SCN9A: variants seen among roughly 807,000 people sequenced by gnomAD.
SCN9A encodes the protein sodium voltage-gated channel alpha subunit 9, also known as sodium channel protein type 9 subunit alpha.
In SCN9A, 131 loss-of-function variants were observed where a neutral mutation model predicts 187.0. The ratio of observed to expected loss-of-function variants is 0.70; its 90% CI spans 0.61 to 0.81. SCN9A has a LOEUF of 0.81. Ranked by LOEUF, SCN9A falls within the 30% of genes least tolerant of loss-of-function variation. SCN9A has a pLI of 0.00. For missense variants in SCN9A, 2,252 were observed against 2,396.6 expected (o/e 0.94, Z 1.26); for synonymous variants, 809 against 808.6 (o/e 1.00, Z -0.01).
chr2:166,281,367 A>G (rs1697478133), intron 13 of SCN9A, among the ~76,000 whole-genome samples: 2 of 152,158 alleles, frequency 1.3e-5, no homozygotes, highest in Admixed American at 6.6e-5. Flanking sequence ...TTCTGCATCA[A>G]TTACTATTAA....
chr2:166,288,457 T>C lies in SCN9A; in HGVS notation c.1294A>G (p.Lys432Glu). ...EFQQMLDRLKKEQEEAEAIAA... is the reference protein window; with the variant it reads ...EFQQMLDRLKEEQEEAEAIAA... ...AGTACCTCAGCTTCTTCTTGCTCTTTTTTAAGACGGTCTAACATCTGTTGA... is the reference window on the plus strand; with the variant it reads ...AGTACCTCAGCTTCTTCTTGCTCTTCTTTAAGACGGTCTAACATCTGTTGA... The change falls in exon 10 of 27, where the codon AAA becomes GAA. Residue 432 changes from lysine to glutamate, a missense_variant. Physicochemically the swap from Lys to Glu is moderately conservative, Grantham distance 56. This residue lies in a region of SCN9A where 1,013 missense variants were observed against 997.4 expected (regional missense o/e 1.02). Transcript: ENST00000642356. 1 of 1,610,894 alleles carries C rather than the reference T, an allele frequency of 6.2e-7. No homozygotes were observed. The highest frequency in any genetic ancestry group is 2.2e-5 in the East Asian group (1 of 44,852).
At chr2:166,206,434 T>C (rs1434676292) in intron 24 of SCN9A, among the ~76,000 whole-genome samples, 1 of 152,178 alleles carries the variant, frequency 6.6e-6, no homozygotes, top group African/African-American at 2.4e-5. Flanking sequence ...AAACTCTGCA[T>C]GTTCTCACTC....
rs1698171260 is a variant in SCN9A at position 166,293,500 on chromosome 2, A to G, written c.966-128T>C. 3.9e-6 allele frequency: 3 copies of G among 766,966 alleles called. No individual in the cohort carries two copies. In the South Asian group the frequency reaches 9.4e-5, roughly 24 times the overall value. 47.5% of individuals were successfully genotyped at this position (766,966 alleles called of 1,614,324 possible). A position where few individuals can be genotyped will look rare whatever the true frequency, so the allele number is the denominator to read the frequency against. On this transcript the variant is annotated intron_variant, in intron 8 of 26. Transcript: ENST00000642356. ...AATATTGAATAAGGATTAAGAATAC[A>G]TGATTTGGCTACTGACTACTTAGTG...
intron 1 of SCN9A, among the ~76,000 whole-genome samples, chr2:166,340,594 C>G (rs577068583): frequency 1.4e-5 from 1 of 73,846 alleles, no homozygotes; most frequent in Admixed American, 1.5e-4. Flanking sequence ...TTCTTTCTTT[C>G]TTTCTTTCTT....
rs561042263 is a variant in SCN9A, at chr2:166,304,172, C to G, written c.688+66G>C. ...CAGTGACGACACACACACAAACGAA[C>G]AAAGAACAACTCCCAAATAGTTGGA... On this transcript the variant is annotated intron_variant, in intron 6 of 26. Transcript: ENST00000642356. 8.8e-5 allele frequency: 142 copies of G among 1,610,962 alleles called. No individual in the cohort carries two copies. The East Asian group carries it at 2.8e-3, about 32-fold the overall frequency.
chr2:166,358,327 C>T (rs1332686172), intron 1 of SCN9A, among the ~76,000 whole-genome samples: 2 of 152,110 alleles, frequency 1.3e-5, no homozygotes, highest in Non-Finnish European at 2.9e-5. Context: ...ATCTCAGCTT[C>T]CCAAAGTGCT....
At chr2:166,277,701 A>T (rs1474008941) in intron 15 of SCN9A, 1 of 227,452 alleles carries the variant, frequency 4.4e-6, no homozygotes, top group African/African-American at 2.3e-5. Context: ...GATAAAATCT[A>T]GCATATTAGA....
chr2:166,265,195 C>A (rs1158594487), intron 17 of SCN9A, among the ~76,000 whole-genome samples: 1 of 151,842 alleles, frequency 6.6e-6, no homozygotes, highest in Non-Finnish European at 1.5e-5. Flanking sequence ...ACCTGTTGAC[C>A]AATCTTTCCC....
At position 166,345,159 on chromosome 2, in the gene SCN9A, TAATGC is replaced by T. The variant is rs369874176; in HGVS notation, c.-51+30533_-51+30537del. 8.3e-4 allele frequency among the ~76,000 whole-genome samples: 126 copies of T among 152,220 alleles called. No individual in the cohort carries two copies. In the East Asian group the frequency reaches 0.02, roughly 24 times the overall value. ...GGGTAGCAAAAAAATGACTGCTATA[TAATGC>T]CCTGAATGAATGAATCAATCAATGA... is the stretch of plus-strand genomic sequence containing the variant. On this transcript the variant is annotated intron_variant, in intron 1 of 26. Transcript: ENST00000642356.
At chr2:166,334,442 T>C (rs1198770760) in intron 1 of SCN9A, among the ~76,000 whole-genome samples, 4 of 152,126 alleles carry the variant, frequency 2.6e-5, no homozygotes, top group African/African-American at 7.2e-5. Context: ...CACACCTTTA[T>C]GCAAATATCC....
intron 16 of SCN9A, among the ~76,000 whole-genome samples, chr2:166,274,647 A>G (rs1390364798): frequency 1.3e-5 from 2 of 152,146 alleles, no homozygotes; most frequent in Non-Finnish European, 2.9e-5. Context: ...AACTTTATGA[A>G]TTTTCTTCTG....
chr2:166,302,989 A>G, intron 7 of SCN9A, 101 bp downstream of exon 7: 1 of 929,720 alleles, frequency 1.1e-6, no homozygotes, highest in Non-Finnish European at 1.6e-6. Flanking sequence ...ATATTTGAAT[A>G]GCTTTGAAAT....
intron 1 of SCN9A, among the ~76,000 whole-genome samples, chr2:166,372,031 C>A (rs1031889732): frequency 6.6e-6 from 1 of 152,012 alleles, no homozygotes; most frequent in Admixed American, 6.6e-5. Context: ...TGTTTAATAT[C>A]TTTAAGCATA....
chr2:166,290,090 C>T (rs36023349), intron 9 of SCN9A, among the ~76,000 whole-genome samples: 12,130 of 151,906 alleles, frequency 0.08, 603 homozygotes, highest in Admixed American at 0.17. Flanking sequence ...CAACAGGCCC[C>T]GGTGTGTGTT....
intron 10 of SCN9A, among the ~76,000 whole-genome samples, chr2:166,286,946 C>G (rs892164694): frequency 3.3e-5 from 5 of 152,024 alleles, no homozygotes; most frequent in African/African-American, 4.8e-5. Context: ...TCGCATAAAC[C>G]ATGCAATAAG....
intron 17 of SCN9A, among the ~76,000 whole-genome samples, chr2:166,269,693 A>G (rs1210926675): frequency 6.6e-6 from 1 of 152,118 alleles, no homozygotes; most frequent in African/African-American, 2.4e-5. Flanking sequence ...GCAACTCAAC[A>G]TACTAAGAAT....
At chr2:166,356,105 G>A (rs945835091) in intron 1 of SCN9A, among the ~76,000 whole-genome samples, 1 of 152,198 alleles carries the variant, frequency 6.6e-6, no homozygotes, top group Non-Finnish European at 1.5e-5. Context: ...CTGGAGTCTT[G>A]TCTGAGGCTG....
chr2:166,358,358 C>G (rs1012261909), intron 1 of SCN9A, among the ~76,000 whole-genome samples: 2 of 152,102 alleles, frequency 1.3e-5, no homozygotes, highest in Non-Finnish European at 2.9e-5. Flanking sequence ...ACATGAGCCA[C>G]CACACCCGGC....
Position 166,299,667 on chromosome 2 carries a change from C to G in SCN9A, c.901+3423G>C, listed in dbSNP as rs1053083197. 6.0e-5 allele frequency among the ~76,000 whole-genome samples: 9 copies of G among 150,740 alleles called. 1 individual carries two copies. The highest frequency in any genetic ancestry group is 2.2e-4 in the African/African-American group (9 of 40,164). On this transcript the variant is annotated intron_variant, in intron 7 of 26. Transcript: ENST00000642356. ...CCATTCTCTATCTACTTAAAAATAT[C>G]AGGGATGTTCAGAGGTAGAGGTGTG...
Sources: gnomAD v4.1 joint callset for allele counts (sites outside exome capture counted in the v4.1 genomes callset) on GRCh38, gnomAD v4.1.1 for gene constraint, gnomAD v4.1.1 regional missense constraint, MANE v1.5 for transcripts, NCBI Gene and HGNC (gene_info 2026-07-23, HGNC 2026-07-21) for gene names.